The following NCOA1 variants were observed in gnomAD, a reference collection of about 807,000 sequenced individuals.
NCOA1 encodes the protein Hin-2 protein.
Under a neutral mutation model 150.9 loss-of-function variants are expected in NCOA1, and 35 were observed. The observed-to-expected ratio is 0.23, with a 90% CI of 0.18 to 0.31. NCOA1 has a LOEUF of 0.31. Ranked by LOEUF, NCOA1 falls within the 10% of genes least tolerant of loss-of-function variation. The probability of loss-of-function intolerance (pLI) is 1.00; values close to 1 mark genes in which losing one functional copy is unlikely to be tolerated. For synonymous variants in NCOA1, 590 were observed against 630.0 expected, an observed-to-expected ratio of 0.94 and a Z score of 0.95; for missense variants, 1,491 against 1,749.3, an observed-to-expected ratio of 0.85 and a Z score of 2.63.
chr2:24,510,859 T>C (rs1663908045), intron 1 of NCOA1, among the ~76,000 whole-genome samples: 1 of 152,212 alleles, frequency 6.6e-6, no homozygotes, highest in Admixed American at 6.5e-5. Flanking sequence ...GAGATATAAA[T>C]CATATTCCAT....
At chr2:24,658,898 T>A in intron 5 of NCOA1, 132 bp downstream of exon 5, 1 of 780,268 alleles carries the variant, frequency 1.3e-6, no homozygotes, top group Non-Finnish European at 2.1e-6. Context: ...CATGTTGTCT[T>A]CCTTCCCCCA....
intron 3 of NCOA1, among the ~76,000 whole-genome samples, chr2:24,627,133 T>TTTTG (rs1290820923): frequency 1.3e-5 from 2 of 149,530 alleles, no homozygotes; most frequent in East Asian, 3.9e-4. Context: ...TTTTTTTTTT[T>TTTTG]TTTTTTTTTT....
intron 1 of NCOA1, among the ~76,000 whole-genome samples, chr2:24,533,888 A>T (rs1009286587): frequency 6.6e-6 from 1 of 152,130 alleles, no homozygotes; most frequent in Non-Finnish European, 1.5e-5. Flanking sequence ...CATCAGGGAT[A>T]TTGGTCTAAA....
chr2:24,719,613 C>G (rs1674257128), intron 14 of NCOA1, among the ~76,000 whole-genome samples: 1 of 152,108 alleles, frequency 6.6e-6, no homozygotes, highest in African/African-American at 2.4e-5. Flanking sequence ...TAGCAAAGGT[C>G]CTGGAAGATG....
chr2:24,632,754 G>T (rs1669762525), intron 3 of NCOA1, among the ~76,000 whole-genome samples: 1 of 152,148 alleles, frequency 6.6e-6, no homozygotes, highest in African/African-American at 2.4e-5. Flanking sequence ...TCTTATAGGG[G>T]TATAGGTTAA....
intron 17 of NCOA1, among the ~76,000 whole-genome samples, chr2:24,734,234 T>G (rs899085269): frequency 3.3e-5 from 5 of 150,218 alleles, no homozygotes; most frequent in African/African-American, 9.7e-5. Context: ...TTAGAAGATG[T>G]GGAAGTCATA....
At position 24,729,754 on chromosome 2, in the gene NCOA1, C is replaced by T. The variant is rs1662895534; in HGVS notation, c.3140C>T (p.Pro1047Leu). 6.2e-7 allele frequency: 1 copy of T among 1,614,226 alleles called. No homozygotes were observed. Among genetic ancestry groups the T allele is most frequent in the East Asian group, 2.2e-5 (1 of 44,888 alleles). ...CAGCCCAGGCAAACTCTAAACAGACCTCCGGCTGCACCTAACCAGCTTCGA... is the reference window on the plus strand; with the variant it reads ...CAGCCCAGGCAAACTCTAAACAGACTTCCGGCTGCACCTAACCAGCTTCGA... ...GMQPRQTLNR[P>L]PAAPNQLRLQ... is the part of the protein sequence containing the mutation. Residue 1047 changes from proline to leucine, a missense_variant, in exon 17 of 23, where the codon CCT becomes CTT. By Grantham distance (98) the Pro-to-Leu change is moderately conservative. This residue lies in a region of NCOA1 where 485 missense variants were observed against 522.8 expected (regional missense o/e 0.93). Coordinates refer to ENST00000348332, the MANE Select transcript of NCOA1 (RefSeq NM_003743.5).
intron 2 of NCOA1, among the ~76,000 whole-genome samples, chr2:24,564,931 A>G (rs1270500701): frequency 2.0e-5 from 3 of 152,184 alleles, no homozygotes; most frequent in Non-Finnish European, 4.4e-5. Flanking sequence ...TCCACCTGCA[A>G]GATGTCAGAG....
intron 3 of NCOA1, among the ~76,000 whole-genome samples, chr2:24,629,813 CATACAT>C (rs1314931113): frequency 0.018 from 1,392 of 77,320 alleles, 39 homozygotes; most frequent in African/African-American, 0.047. Context: ...AAGTAACATA[CATACAT>C]ATATATATAT....
At chr2:24,637,065 AT>A (rs1416527761) in intron 3 of NCOA1, among the ~76,000 whole-genome samples, 1 of 150,750 alleles carries the variant, frequency 6.6e-6, no homozygotes, top group African/African-American at 2.4e-5. Context: ...TTTTTTTGAG[AT>A]TTTTTAAAAT....
chr2:24,576,533 G>A (rs1009791034), intron 2 of NCOA1, among the ~76,000 whole-genome samples: 1 of 152,042 alleles, frequency 6.6e-6, no homozygotes, highest in Non-Finnish European at 1.5e-5. Flanking sequence ...GCTCTGACTG[G>A]TATCTAATAT....
chr2:24,588,585 T>C (rs1282328835), intron 3 of NCOA1, among the ~76,000 whole-genome samples: 1 of 152,202 alleles, frequency 6.6e-6, no homozygotes, highest in Non-Finnish European at 1.5e-5. Context: ...ACAAAGACTT[T>C]AGACTCATGA....
In NCOA1 at chr2:24,729,263, A is replaced by G. The variant is rs574053773; in HGVS notation, c.2887-238A>G. Reference sequence around the variant, plus strand: ...TTCCCAAACCTTTTAGTTTTATTTCATTGATTTGGAGCCTTTATTTTAACT... The same window carrying G: ...TTCCCAAACCTTTTAGTTTTATTTCGTTGATTTGGAGCCTTTATTTTAACT... On this transcript the variant is annotated intron_variant, in intron 16 of 22. Coordinates refer to ENST00000348332, the MANE Select transcript of NCOA1 (RefSeq NM_003743.5). Among the ~76,000 whole-genome samples the G allele has an allele frequency of 1.4e-4, 21 of 152,214 alleles. No homozygotes were observed. In the East Asian group the frequency reaches 3.9e-3, roughly 28 times the overall value.
At chr2:24,564,933 A>G (rs1666437056) in intron 2 of NCOA1, among the ~76,000 whole-genome samples, 1 of 152,178 alleles carries the variant, frequency 6.6e-6, no homozygotes, top group African/African-American at 2.4e-5. Context: ...CACCTGCAAG[A>G]TGTCAGAGAC....
chr2:24,747,432 T>C (rs1346084935), intron 19 of NCOA1, among the ~76,000 whole-genome samples: 1 of 150,556 alleles, frequency 6.6e-6, no homozygotes, highest in Non-Finnish European at 1.5e-5. Context: ...TGGTCTCAAG[T>C]GATCCTCCCA....
At chr2:24,513,527 A>C (rs1017063548) in intron 1 of NCOA1, among the ~76,000 whole-genome samples, 1 of 152,074 alleles carries the variant, frequency 6.6e-6, no homozygotes, top group African/African-American at 2.4e-5. Flanking sequence ...TGTAGTCAAC[A>C]TTCCTGAACA....
intron 17 of NCOA1, among the ~76,000 whole-genome samples, 180 bp from the exon 18 acceptor site, chr2:24,739,252 A>G (rs1558328826): frequency 2.6e-5 from 4 of 152,224 alleles, no homozygotes; most frequent in African/African-American, 2.4e-5. Context: ...TTTGGAGGCA[A>G]TAAGTGTTTT....
intron 1 of NCOA1, among the ~76,000 whole-genome samples, chr2:24,504,196 A>G (rs1375813778): frequency 6.6e-6 from 1 of 152,168 alleles, no homozygotes; most frequent in Non-Finnish European, 1.5e-5. Flanking sequence ...TAGGCTTTCT[A>G]GAGGAAGTGG....
intron 1 of NCOA1, among the ~76,000 whole-genome samples, chr2:24,559,689 T>G (rs936059037): frequency 1.4e-5 from 2 of 140,620 alleles, no homozygotes; most frequent in African/African-American, 5.7e-5. Context: ...AGGAATATCC[T>G]TCTTTTCCCC....
Sources: allele counts gnomAD v4.1 joint callset (sites outside exome capture counted in the v4.1 genomes callset), GRCh38; gene constraint gnomAD v4.1.1; regional missense constraint gnomAD v4.1.1; transcripts MANE v1.5; gene names NCBI Gene and HGNC (gene_info 2026-07-23, HGNC 2026-07-21).